Variants in STK3 observed in about 807,000 individuals in gnomAD.
STK3 encodes serine/threonine kinase 3, also known as serine/threonine-protein kinase 3.
Under a neutral mutation model 58.0 loss-of-function variants are expected in STK3, and 41 were observed. The observed-to-expected ratio is 0.71, with a 90% CI of 0.55 to 0.92. STK3 has a LOEUF of 0.92. STK3 is among the 40% of genes least tolerant of loss of function. The probability of loss-of-function intolerance (pLI) is 0.00; values close to 1 mark genes in which losing one functional copy is unlikely to be tolerated. For synonymous variants in STK3, 170 were observed against 191.0 expected (o/e 0.89, Z 0.91); for missense variants, 479 against 602.7 (o/e 0.79, Z 2.15).
intron 1 of STK3, among the ~76,000 whole-genome samples, chr8:98,818,823 AT>A (rs926229401): frequency 6.6e-6 from 1 of 151,908 alleles, no homozygotes; most frequent in Non-Finnish European, 1.5e-5. Context: ...CAAACAATGA[AT>A]TTTTTTTGTT....
At chr8:98,783,016 A>G (rs1832203318) in intron 1 of STK3, among the ~76,000 whole-genome samples, 1 of 151,826 alleles carries the variant, frequency 6.6e-6, no homozygotes, top group Admixed American at 6.6e-5. Flanking sequence ...AGAGAGAAAG[A>G]AGGAGAGGGA....
At chr8:98,840,951 A>G (rs1219700795) in intron 3 of STK3, among the ~76,000 whole-genome samples, 1 of 152,150 alleles carries the variant, frequency 6.6e-6, no homozygotes, top group Non-Finnish European at 1.5e-5. Flanking sequence ...GTTTTTGGCA[A>G]GATTCAGTTC....
intron 4 of STK3, among the ~76,000 whole-genome samples, chr8:98,726,402 G>A (rs1827799380): frequency 6.6e-6 from 1 of 152,204 alleles, no homozygotes; most frequent in Non-Finnish European, 1.5e-5. Context: ...TGATGTGTAT[G>A]CTGTATTTAA....
intron 1 of STK3, among the ~76,000 whole-genome samples, chr8:98,776,864 C>T (rs374409197): frequency 1.3e-3 from 190 of 151,612 alleles, no homozygotes; most frequent in African/African-American, 4.3e-3. Context: ...TCCTGGCTAA[C>T]ACGGTGAAAC....
At position 98,774,751 on chromosome 8, in the gene STK3, T is replaced by C; in HGVS notation, c.95A>G (p.Lys32Arg). 6.3e-7 allele frequency: 1 copy of C among 1,584,934 alleles called. No individual in the cohort carries two copies. Among genetic ancestry groups the C allele is most frequent in the Non-Finnish European group, 8.6e-7 (1 of 1,168,424 alleles). Residue 32 changes from lysine (K) to arginine (R), a missense_variant, in exon 2 of 11, where the codon AAG (lysine) becomes AGG (arginine). Lys to Arg is a conservative substitution (Grantham distance 26). This residue lies in a region of STK3 where 44 missense variants were observed against 37.0 expected (regional missense o/e 1.19). Coordinates refer to ENST00000419617, the MANE Select transcript of STK3 (RefSeq NM_006281.4). ...TTTTTGTACTTACCCTTCTCCAAGC[T>C]TCTCTAATACATCAAAAACTTCTTC... ...QPEEVFDVLEKLGEGSYGSVF... is the reference protein window; with the variant it reads ...QPEEVFDVLERLGEGSYGSVF...
At chr8:98,903,519 T>TCTC (rs1838743069) in intron 1 of STK3, among the ~76,000 whole-genome samples, 1 of 30,830 alleles carries the variant, frequency 3.2e-5, no homozygotes, top group Non-Finnish European at 5.2e-5. Flanking sequence ...TTCTTCTTCT[T>TCTC]CTTCTTCTTC....
In STK3 at chr8:98,673,488, G is replaced by A. The variant is rs150996824; in HGVS notation, c.684+32979C>T. Among the ~76,000 whole-genome samples, 666 of 152,176 alleles carry A rather than the reference G, an allele frequency of 4.4e-3. 8 individuals carry two copies. Among genetic ancestry groups the A allele is most frequent in the East Asian group, 6.0e-3 (31 of 5,178 alleles). The stretch of plus-strand genomic sequence containing the variant: ...CATAAATGAACCTCAAAAACATTAA[G>A]CTAAGTGAAAGAAGCCAGACACAAA... On this transcript the variant is annotated intron_variant, in intron 6 of 10. Transcript: ENST00000419617.
At chr8:98,858,983 G>A (rs2028974) in intron 3 of STK3, among the ~76,000 whole-genome samples, 3,199 of 151,542 alleles carry the variant, frequency 0.021, 137 homozygotes, top group African/African-American at 0.073. Context: ...ATATTTGTCA[G>A]TTAAAGAAAA....
intron 1 of STK3, among the ~76,000 whole-genome samples, chr8:98,818,257 TACA>T (rs1445569335): frequency 1.3e-5 from 2 of 152,356 alleles, no homozygotes; most frequent in African/African-American, 4.8e-5. Context: ...TAGCTCAAGC[TACA>T]ACAAGAGTGT....
At chr8:98,662,189 C>A (rs1489077269) in intron 6 of STK3, among the ~76,000 whole-genome samples, 2 of 152,100 alleles carry the variant, frequency 1.3e-5, no homozygotes, top group African/African-American at 4.8e-5. Context: ...ATAACAAAGA[C>A]AAACATCAAA....
intron 3 of STK3, among the ~76,000 whole-genome samples, chr8:98,754,721 G>C (rs1340057323): frequency 6.6e-6 from 1 of 151,956 alleles, no homozygotes; most frequent in East Asian, 1.9e-4. Flanking sequence ...TGTTGACCAG[G>C]CTTGTCTTGA....
intron 4 of STK3, among the ~76,000 whole-genome samples, chr8:98,715,340 C>G (rs1156713423): frequency 6.6e-6 from 1 of 152,082 alleles, no homozygotes; most frequent in East Asian, 1.9e-4. Flanking sequence ...TCAGAGTGAA[C>G]AGGCAACCTA....
intron 8 of STK3, among the ~76,000 whole-genome samples, chr8:98,551,545 T>C (rs867393465): frequency 1.6e-4 from 24 of 152,252 alleles, no homozygotes; most frequent in Admixed American, 4.6e-4. Context: ...AAATGCCTGA[T>C]AGCGAAAGCT....
At chr8:98,695,009 C>T (rs1824751468) in intron 6 of STK3, among the ~76,000 whole-genome samples, 1 of 152,138 alleles carries the variant, frequency 6.6e-6, no homozygotes, top group South Asian at 2.1e-4. Flanking sequence ...CTCTCCAGCA[C>T]CTGTTGTTTC....
intron 3 of STK3, among the ~76,000 whole-genome samples, chr8:98,404,005 G>A (rs1817969315): frequency 1.3e-5 from 2 of 152,176 alleles, no homozygotes; most frequent in African/African-American, 4.8e-5. Context: ...TGTCTCCTGG[G>A]TGGCAGGTCA....
chr8:98,689,667 T>A lies in STK3; in HGVS notation c.684+16800A>T, dbSNP rs935211721. 2.0e-4 allele frequency among the ~76,000 whole-genome samples: 30 copies of A among 152,076 alleles called. 1 individual carries two copies. Among genetic ancestry groups the A allele is most frequent in the African/African-American group, 7.0e-4 (29 of 41,482 alleles). On this transcript the variant is annotated intron_variant, in intron 6 of 10. Transcript: ENST00000419617. ...GTACAGTGGCACATGCTTATAGTCC[T>A]AGCTACTCAGGAGGCTGAGATGGGA...
intron 1 of STK3, among the ~76,000 whole-genome samples, chr8:98,895,188 C>T (rs2131937983): frequency 6.6e-6 from 1 of 152,258 alleles, no homozygotes; most frequent in East Asian, 1.9e-4. Flanking sequence ...TGGTATGGCG[C>T]AATGTTTCTC....
intron 3 of STK3, among the ~76,000 whole-genome samples, chr8:98,857,408 T>G (rs180676776): frequency 1.3e-3 from 202 of 152,262 alleles, no homozygotes; most frequent in Non-Finnish European, 2.1e-3. Context: ...TCTCGAAAAC[T>G]GTTACTTGGG....
At chr8:98,488,968 C>A (rs1822490951) in intron 10 of STK3, among the ~76,000 whole-genome samples, 1 of 152,160 alleles carries the variant, frequency 6.6e-6, no homozygotes, top group Non-Finnish European at 1.5e-5. Flanking sequence ...GCCCATTTCA[C>A]CCCTTTCTCC....
Sources: allele counts gnomAD v4.1 joint callset (sites outside exome capture counted in the v4.1 genomes callset), GRCh38; gene constraint gnomAD v4.1.1; regional missense constraint gnomAD v4.1.1; transcripts MANE v1.5; gene names NCBI Gene and HGNC (gene_info 2026-07-23, HGNC 2026-07-21).